Variants in MGAT4A observed in about 807,000 individuals in gnomAD.
MGAT4A encodes the protein alpha-1,3-mannosyl-glycoprotein 4-beta-N-acetylglucosaminyltransferase A.
A neutral mutation model predicts 74.1 loss-of-function variants in MGAT4A; 33 were observed. That is an observed-to-expected ratio of 0.45 (90% confidence interval 0.34 to 0.60). The LOEUF (loss-of-function observed/expected upper bound fraction) is 0.60. Ranked by LOEUF, MGAT4A falls within the 20% of genes least tolerant of loss-of-function variation. The probability of loss-of-function intolerance (pLI) is 0.02; values close to 1 mark genes in which losing one functional copy is unlikely to be tolerated. For synonymous variants in MGAT4A, 198 were observed against 210.4 expected (o/e 0.94, Z 0.51); for missense variants, 479 against 628.3 (o/e 0.76, Z 2.54).
At position 98,619,827 on chromosome 2, in the gene MGAT4A, C is replaced by T. The variant is rs927903751; in HGVS notation, c.*5739G>A. ...GAGCAAGTGACACATAAAATAGCCTCCCTAAAGTCCAAGAGTATTAAAATA... is the reference window on the plus strand; with the variant it reads ...GAGCAAGTGACACATAAAATAGCCTTCCTAAAGTCCAAGAGTATTAAAATA... On this transcript the variant is annotated 3_prime_UTR_variant, in exon 16 of 16. Coordinates refer to ENST00000393487, the MANE Select transcript of MGAT4A (RefSeq NM_012214.3). The T allele has an allele frequency of 1.3e-5, 2 of 152,198 alleles. No individual in the cohort carries two copies. The highest frequency in any genetic ancestry group is 2.9e-5 in the Non-Finnish European group (2 of 68,032). 9.4% of individuals were successfully genotyped at this position (152,198 alleles called of 1,614,324 possible).
At chr2:98,702,629 T>G (rs1271213298) in intron 2 of MGAT4A, among the ~76,000 whole-genome samples, 1 of 152,180 alleles carries the variant, frequency 6.6e-6, no homozygotes, top group Non-Finnish European at 1.5e-5. Flanking sequence ...GCAAACAGCT[T>G]GCAGTACCGT....
chr2:98,659,503 C>A (rs151028944), intron 5 of MGAT4A, among the ~76,000 whole-genome samples: 12 of 152,202 alleles, frequency 7.9e-5, no homozygotes, highest in African/African-American at 2.6e-4. Flanking sequence ...TATGGTTTGG[C>A]GTGTCCCCAC....
chr2:98,717,415 T>C (rs1266564939), intron 2 of MGAT4A, among the ~76,000 whole-genome samples: 2 of 150,956 alleles, frequency 1.3e-5, no homozygotes, highest in African/African-American at 4.9e-5. Flanking sequence ...TTTTGCATAC[T>C]GGAAGAAAGT....
intron 8 of MGAT4A, among the ~76,000 whole-genome samples, chr2:98,650,786 A>G (rs992879928): frequency 6.6e-6 from 1 of 152,110 alleles, no homozygotes; most frequent in African/African-American, 2.4e-5. Flanking sequence ...CCCCATCTCT[A>G]CTAAAAATAC....
chr2:98,662,655 C>T (rs1382490945), intron 5 of MGAT4A, among the ~76,000 whole-genome samples: 1 of 152,172 alleles, frequency 6.6e-6, no homozygotes, highest in African/African-American at 2.4e-5. Flanking sequence ...TTCTCATTCA[C>T]ATGATTTCTT....
At chr2:98,690,844 T>C (rs1702185133) in intron 2 of MGAT4A, among the ~76,000 whole-genome samples, 1 of 151,852 alleles carries the variant, frequency 6.6e-6, no homozygotes, top group South Asian at 2.1e-4. Flanking sequence ...AATATAATAA[T>C]TGAAACAAAA....
At chr2:98,682,663 G>A (rs919887843) in intron 2 of MGAT4A, among the ~76,000 whole-genome samples, 4 of 152,126 alleles carry the variant, frequency 2.6e-5, no homozygotes, top group African/African-American at 9.7e-5. Flanking sequence ...GCAATAATGG[G>A]ACAGAGATCA....
intron 4 of MGAT4A, among the ~76,000 whole-genome samples, chr2:98,669,847 G>T (rs1260959998): frequency 6.6e-6 from 1 of 152,122 alleles, no homozygotes; most frequent in Non-Finnish European, 1.5e-5. Flanking sequence ...GTAATCTGTG[G>T]GCTGAGCACT....
intron 4 of MGAT4A, among the ~76,000 whole-genome samples, chr2:98,668,816 G>A (rs546593913): frequency 6.6e-6 from 1 of 152,364 alleles, no homozygotes; most frequent in African/African-American, 2.4e-5. Context: ...GTGTGACCTG[G>A]ACGTGAGACA....
rs17021890 is a variant in MGAT4A, at chr2:98,708,387, A to C, written c.94+17852T>G. Reference sequence around the variant, plus strand: ...GATAATGTGTTTTATTTTAATGAAAAGCCATGAGATTTATAAGTACCCTCC... The same window carrying C: ...GATAATGTGTTTTATTTTAATGAAACGCCATGAGATTTATAAGTACCCTCC... On this transcript the variant is annotated intron_variant, in intron 2 of 15. Transcript: ENST00000393487. Among the ~76,000 whole-genome samples, 742 of 152,062 alleles carry C rather than the reference A, an allele frequency of 4.9e-3. 6 individuals are homozygous for C. The highest frequency in any genetic ancestry group is 0.017 in the African/African-American group (701 of 41,476).
chr2:98,718,533 T>C (rs1702620530), intron 2 of MGAT4A, among the ~76,000 whole-genome samples: 1 of 152,238 alleles, frequency 6.6e-6, no homozygotes, highest in Non-Finnish European at 1.5e-5. Flanking sequence ...CATTCCCCCC[T>C]CTTTTCTCCC....
chr2:98,663,411 T>A, intron 4 of MGAT4A: 2 of 1,502,484 alleles, frequency 1.3e-6, no homozygotes, highest in Non-Finnish European at 1.8e-6. Context: ...ATGAAAGACA[T>A]TAAACTTCAC....
chr2:98,690,462 C>A (rs1702180685), intron 2 of MGAT4A, among the ~76,000 whole-genome samples: 1 of 152,216 alleles, frequency 6.6e-6, no homozygotes, highest in South Asian at 2.1e-4. Flanking sequence ...ATGCTTTGGA[C>A]TTTCATCCCA....
Position 98,731,068 on chromosome 2 carries a change from C to T in MGAT4A, c.-256G>A, listed in dbSNP as rs1016525842. The T allele has an allele frequency of 7.4e-6, 1 of 135,390 alleles. No homozygotes were observed. The highest frequency in any genetic ancestry group is 2.7e-5 in the African/African-American group (1 of 37,112). 8.4% of individuals were successfully genotyped at this position (135,390 alleles called of 1,614,324 possible). A position where few individuals can be genotyped will look rare whatever the true frequency, so the allele number is the denominator to read the frequency against. On this transcript the variant is annotated 5_prime_UTR_variant, in exon 1 of 16. Transcript: ENST00000393487. This position sits in a 1 kb window ranked among gnomAD's most constrained non-coding sequence, Gnocchi z 4.8. Reference sequence around the variant, plus strand: ...CTCACCCGCCGCTGGCGTCGCCGTGCTCCCGCGGCTGCCGGCGGAGCTGCT... The same window carrying T: ...CTCACCCGCCGCTGGCGTCGCCGTGTTCCCGCGGCTGCCGGCGGAGCTGCT...
At chr2:98,630,906 T>C (rs944480655) in intron 14 of MGAT4A, among the ~76,000 whole-genome samples, 3 of 152,204 alleles carry the variant, frequency 2.0e-5, no homozygotes, top group African/African-American at 7.2e-5. Flanking sequence ...CTTAACCCAA[T>C]GGTCTGGAAG....
chr2:98,638,492 G>A (rs910425069), intron 12 of MGAT4A, among the ~76,000 whole-genome samples: 1 of 152,138 alleles, frequency 6.6e-6, no homozygotes, highest in African/African-American at 2.4e-5. Flanking sequence ...ATTCCACTGC[G>A]TGGCAATATC....
At chr2:98,727,063 C>T (rs975500639) in intron 1 of MGAT4A, among the ~76,000 whole-genome samples, 1 of 152,222 alleles carries the variant, frequency 6.6e-6, no homozygotes, top group Non-Finnish European at 1.5e-5. Flanking sequence ...ATCTAGGTCT[C>T]AAGGTTTCAT....
rs1279097672 is a variant in MGAT4A, at chr2:98,620,734, TCTAA to T, written c.*4828_*4831del. The T allele has an allele frequency of 6.6e-6, 1 of 152,220 alleles. No individual in the cohort carries two copies. Among genetic ancestry groups the T allele is most frequent in the Non-Finnish European group, 1.5e-5 (1 of 68,048 alleles). The allele number at this position is 152,220 out of a possible 1,614,324, so 9.4% of individuals were successfully genotyped here. A position where few individuals can be genotyped will look rare whatever the true frequency, so the allele number is the denominator to read the frequency against. On this transcript the variant is annotated 3_prime_UTR_variant, in exon 16 of 16. Coordinates refer to ENST00000393487, the MANE Select transcript of MGAT4A (RefSeq NM_012214.3). ...AAAGGTTATTTTTGCTCTTAATGTA[TCTAA>T]AATACCACTGTTAATCATTCTTGAA...
chr2:98,720,297 C>A (rs900581497), intron 2 of MGAT4A, among the ~76,000 whole-genome samples: 9 of 152,216 alleles, frequency 5.9e-5, no homozygotes, highest in African/African-American at 2.2e-4. Context: ...AAGAACATGA[C>A]CCTCACCAAT....
Sources: allele counts gnomAD v4.1 joint callset (sites outside exome capture counted in the v4.1 genomes callset), GRCh38; gene constraint gnomAD v4.1.1; non-coding constraint Gnocchi (gnomAD v3.1); transcripts MANE v1.5; gene names NCBI Gene and HGNC (gene_info 2026-07-23, HGNC 2026-07-21).